Variants in TMEM117 observed in about 807,000 individuals in gnomAD.
TMEM117 encodes transmembrane protein 117.
A neutral mutation model predicts 52.4 loss-of-function variants in TMEM117; 27 were observed. That is an observed-to-expected ratio of 0.51 (90% CI 0.38 to 0.71). TMEM117 has a LOEUF of 0.71. TMEM117 is among the 30% of genes least tolerant of loss of function. The probability of loss-of-function intolerance (pLI) is 0.00; values close to 1 mark genes in which losing one functional copy is unlikely to be tolerated. For synonymous variants in TMEM117, 215 were observed against 206.3 expected (o/e 1.04, Z -0.36); for missense variants, 556 against 630.5 (o/e 0.88, Z 1.26).
intron 3 of TMEM117, among the ~76,000 whole-genome samples, chr12:43,983,547 CGTGTGTGTGTGT>C (rs748259406): frequency 0.04 from 4,424 of 110,666 alleles, 112 homozygotes; most frequent in African/African-American, 0.068. Flanking sequence ...TTGCACCAAC[CGTGTGTGTGTGT>C]GTGTGTGTGT....
At chr12:43,922,190 G>C (rs1452023538) in intron 2 of TMEM117, among the ~76,000 whole-genome samples, 1 of 151,948 alleles carries the variant, frequency 6.6e-6, no homozygotes, top group Non-Finnish European at 1.5e-5. Flanking sequence ...GCTTCTCTCT[G>C]TCTCTGTCTC....
chr12:44,392,723 T>C (rs889502902), downstream of TMEM117, among the ~76,000 whole-genome samples: 1 of 139,574 alleles, frequency 7.2e-6, no homozygotes, highest in Non-Finnish European at 1.5e-5. Flanking sequence ...CCTTCCTGTG[T>C]CCATGTGTTC....
chr12:44,101,253 C>A (rs12099982), intron 3 of TMEM117, among the ~76,000 whole-genome samples: 40,664 of 151,438 alleles, frequency 0.27, 9,873 homozygotes, highest in African/African-American at 0.65. Flanking sequence ...CAACATAATC[C>A]TATGTTGAAA....
chr12:43,824,233 C>T, the TMEM117 span, among the ~76,000 whole-genome samples: 71 of 152,190 alleles, frequency 4.7e-4, no homozygotes, highest in Admixed American at 3.9e-3. Context: ...TCTGGTCAAA[C>T]GAGGTGGCAT....
chr12:44,322,061 G>A (rs1342092474), intron 6 of TMEM117, among the ~76,000 whole-genome samples: 1 of 152,146 alleles, frequency 6.6e-6, no homozygotes, highest in Non-Finnish European at 1.5e-5. Flanking sequence ...GGGTAGGGAT[G>A]GGAGAAAGAG....
intron 5 of TMEM117, among the ~76,000 whole-genome samples, chr12:44,289,225 TTGTGTG>T (rs59507806): frequency 0.18 from 26,036 of 145,874 alleles, 2,300 homozygotes; most frequent in East Asian, 0.19. Flanking sequence ...CTATCCCATT[TTGTGTG>T]TGTGTGTGTG....
chr12:44,344,323 A>G lies in TMEM117; in HGVS notation c.769-32272A>G, dbSNP rs200420776. 2.6e-5 allele frequency among the ~76,000 whole-genome samples: 4 copies of G among 152,136 alleles called. No individual in the cohort carries two copies. In the East Asian group the frequency reaches 7.7e-4, roughly 29 times the overall value. The stretch of plus-strand genomic sequence containing the variant: ...TGAACAGACACCCAGGGCTAGCTTT[A>G]TAAGTATGCCACTTGTGCAGTTACA... On this transcript the variant is annotated intron_variant, in intron 6 of 7. Transcript: ENST00000266534.
chr12:43,818,334 T>G, the TMEM117 span, among the ~76,000 whole-genome samples: 1 of 152,130 alleles, frequency 6.6e-6, no homozygotes, highest in Admixed American at 6.6e-5. Context: ...TAAACACCTT[T>G]TTTTCTAATT....
the TMEM117 span, chr12:43,800,365 C>G: frequency 9.3e-7 from 1 of 1,071,852 alleles, no homozygotes; most frequent in Non-Finnish European, 1.4e-6. Flanking sequence ...GTATCAATTA[C>G]CCATTACCTA....
At chr12:44,347,896 T>C (rs1194416333) in intron 6 of TMEM117, among the ~76,000 whole-genome samples, 1 of 152,072 alleles carries the variant, frequency 6.6e-6, no homozygotes, top group Non-Finnish European at 1.5e-5. Flanking sequence ...CTGGCCTTGC[T>C]GTCGAGCAAT....
At chr12:44,174,915 G>A (rs895240487) in intron 4 of TMEM117, among the ~76,000 whole-genome samples, 3 of 152,130 alleles carry the variant, frequency 2.0e-5, no homozygotes, top group Admixed American at 6.5e-5. Context: ...CAGTGGCAAC[G>A]GGCACGGAGT....
intron 2 of TMEM117, among the ~76,000 whole-genome samples, chr12:43,846,413 C>G (rs894118486): frequency 1.7e-4 from 26 of 152,268 alleles, no homozygotes; most frequent in African/African-American, 6.3e-4. Context: ...CCTAGAGAGA[C>G]TGGGTTGACT....
chr12:44,247,204 C>G (rs1950141504), intron 5 of TMEM117, among the ~76,000 whole-genome samples: 1 of 152,176 alleles, frequency 6.6e-6, no homozygotes, highest in Non-Finnish European at 1.5e-5. Flanking sequence ...CAATCTGTAT[C>G]TTCAGATCAT....
At chr12:44,195,935 A>ACT (rs879720966) in intron 4 of TMEM117, among the ~76,000 whole-genome samples, 1,842 of 149,408 alleles carry the variant, frequency 0.012, 19 homozygotes, top group South Asian at 0.027. Flanking sequence ...TAAATAAATA[A>ACT]ATAACTGGGC....
intron 2 of TMEM117, among the ~76,000 whole-genome samples, chr12:43,854,526 A>T (rs1445722254): frequency 6.6e-6 from 1 of 152,206 alleles, no homozygotes; most frequent in African/African-American, 2.4e-5. Flanking sequence ...ACAGCAGGTC[A>T]TGAGCACATA....
At chr12:44,301,427 A>T (rs1950838174) in intron 6 of TMEM117, among the ~76,000 whole-genome samples, 1 of 152,324 alleles carries the variant, frequency 6.6e-6, no homozygotes, top group African/African-American at 2.4e-5. Flanking sequence ...TGTTAATAAC[A>T]TGCTGAAGTG....
intron 6 of TMEM117, among the ~76,000 whole-genome samples, chr12:44,300,331 CTT>C (rs1273419344): frequency 2.6e-5 from 4 of 152,304 alleles, no homozygotes; most frequent in Non-Finnish European, 5.9e-5. Flanking sequence ...TGGTGTGACT[CTT>C]TGGCGTTTTA....
At chr12:43,800,941 G>A in the TMEM117 span, among the ~76,000 whole-genome samples, 69 of 152,050 alleles carry the variant, frequency 4.5e-4, no homozygotes, top group African/African-American at 1.5e-3. Flanking sequence ...TAGTACAGAC[G>A]GGCTTTCACC....
chr12:44,314,028 T>C (rs1951023694), intron 6 of TMEM117, among the ~76,000 whole-genome samples: 1 of 152,250 alleles, frequency 6.6e-6, no homozygotes, highest in Non-Finnish European at 1.5e-5. Flanking sequence ...TTTCTAGGCA[T>C]AGAATCATAT....
Sources: gnomAD v4.1 joint callset for allele counts (sites outside exome capture counted in the v4.1 genomes callset) on GRCh38, gnomAD v4.1.1 for gene constraint, MANE v1.5 for transcripts, NCBI Gene and HGNC (gene_info 2026-07-23, HGNC 2026-07-21) for gene names.